The following MAGEC3 variants were observed in gnomAD, a reference collection of about 807,000 sequenced individuals.
MAGEC3 encodes the protein MAGE family member C3.
Under a neutral mutation model 35.3 loss-of-function variants are expected in MAGEC3, and 34 were observed. That is an observed-to-expected ratio of 0.96 (90% CI 0.73 to 1.28). The LOEUF is 1.28. MAGEC3 is among the 50% of genes most tolerant of loss of function. The pLI is 0.00. For missense variants in MAGEC3, 561 were observed against 483.6 expected (o/e 1.16, Z -1.50); for synonymous variants, 202 against 185.6 (o/e 1.09, Z -0.72).
In MAGEC3 at chrX:141,881,460, G is replaced by T. The variant is rs932378773; in HGVS notation, c.573G>T (p.Leu191Phe). 4 of 1,210,342 alleles carry T rather than the reference G, an allele frequency of 3.3e-6. No individual in the cohort carries two copies. The South Asian group carries it at 7.1e-5, about 21-fold the overall frequency. ...CACTGGATGAAAAGGTGGACAAGTT[G>T]GTGCAGTTTCTTCTCCTCAAATATC... Reference protein sequence around the residue: ...TYTLDEKVDKLVQFLLLKYQA... With the variant: ...TYTLDEKVDKFVQFLLLKYQA... The change falls in exon 4 of 8, where the codon TTG (leucine) becomes TTT (phenylalanine). Residue 191 changes from leucine to phenylalanine, a missense_variant. By Grantham distance (22) the Leu-to-Phe change is conservative (BLOSUM62 0). Coordinates refer to ENST00000298296, the MANE Select transcript of MAGEC3 (RefSeq NM_138702.1).
At chrX:141,879,990 C>T (rs909894002) in intron 3 of MAGEC3, among the ~76,000 whole-genome samples, 2 of 111,538 alleles carry the variant, frequency 1.8e-5, no homozygotes. Context: ...CCCAGAGATT[C>T]CCAGCATGCT....
intron 1 of MAGEC3, chrX:141,839,656 A>G: frequency 1.3e-6 from 1 of 745,067 alleles, no homozygotes; most frequent in Admixed American, 8.6e-5. Flanking sequence ...TTTTATAAAT[A>G]TGAATTGTTT....
chrX:141,897,093 G>A lies in MAGEC3; in HGVS notation c.1335G>A (p.Leu445=). 8.3e-7 allele frequency: 1 copy of A among 1,211,804 alleles called. No homozygotes were observed. Among genetic ancestry groups the A allele is most frequent in the Non-Finnish European group, 1.1e-6 (1 of 895,507 alleles). The change falls in exon 7 of 8, where the codon TTG becomes TTA. Residue 445 remains leucine (L), a synonymous_variant. Transcript: ENST00000298296. The stretch of plus-strand genomic sequence containing the variant: ...AGGATACAGCTACTTGGCATGCCTT[G>A]CCAGAAAGTGAATCCTTGCCCAGGT... The part of the protein sequence containing the change: ...EEEDTATWHA[L]PESESLPRYA...
At chrX:141,874,704 C>T (rs1405811204) in intron 2 of MAGEC3, among the ~76,000 whole-genome samples, 1 of 109,341 alleles carries the variant, frequency 9.1e-6, no homozygotes, top group Non-Finnish European at 1.9e-5. Context: ...AAACACTCAA[C>T]AGGAGGCTGA....
At chrX:141,853,082 ATTT>A (rs1389299745) in intron 1 of MAGEC3, among the ~76,000 whole-genome samples, 1 of 111,247 alleles carries the variant, frequency 9.0e-6, no homozygotes, top group Admixed American at 9.6e-5. Flanking sequence ...AAATCTCTTT[ATTT>A]ATTACAGGTC....
intron 2 of MAGEC3, among the ~76,000 whole-genome samples, chrX:141,868,967 C>T (rs891738404): frequency 3.7e-5 from 4 of 109,465 alleles, no homozygotes; most frequent in Admixed American, 2.0e-4. Context: ...CTGCAAGCTC[C>T]GCCTCTCGGG....
chrX:141,844,090 G>A (rs1030170926), intron 1 of MAGEC3, among the ~76,000 whole-genome samples: 56 of 110,500 alleles, frequency 5.1e-4, no homozygotes, highest in African/African-American at 1.5e-3. Context: ...ACACTTTTCC[G>A]TCCGATATCA....
Position 141,897,621 on chromosome X carries a change from T to A in MAGEC3, c.1729-8T>A. 8.3e-7 allele frequency: 1 copy of A among 1,203,424 alleles called. No homozygotes were observed. The highest frequency in any genetic ancestry group is 1.8e-5 in the African/African-American group (1 of 56,970). On this transcript the variant is annotated splice_polypyrimidine_tract_variant and splice_region_variant and intron_variant, in intron 7 of 7. Coordinates refer to ENST00000298296, the MANE Select transcript of MAGEC3 (RefSeq NM_138702.1). ...CTCCACGTTATGAATTTTTGTGGGG[T>A]CCAAGAGCCCATTCAGAGGCCAGCA...
chrX:141,865,654 G>A, intron 2 of MAGEC3, 49 bp downstream of exon 2: 1 of 1,148,937 alleles, frequency 8.7e-7, no homozygotes. Context: ...ACAGATATAG[G>A]GAGTTTTAGC....
chrX:141,876,442 C>T (rs2017920651), intron 2 of MAGEC3, among the ~76,000 whole-genome samples: 1 of 111,686 alleles, frequency 9.0e-6, no homozygotes, highest in African/African-American at 3.3e-5. Flanking sequence ...ATGGCTGAGA[C>T]AAGGGGGCAG....
At chrX:141,896,601 C>A in intron 6 of MAGEC3, 1 of 1,191,645 alleles carries the variant, frequency 8.4e-7, no homozygotes, top group Non-Finnish European at 1.1e-6. Flanking sequence ...GGGATCCCAT[C>A]ATCCCCATCC....
intron 6 of MAGEC3, 122 bp downstream of exon 6, chrX:141,895,681 T>C (rs1244575870): frequency 7.2e-6 from 3 of 417,301 alleles, no homozygotes; most frequent in African/African-American, 3.0e-5. Flanking sequence ...GTAGAGCTCC[T>C]CAGTCAGCTC....
In MAGEC3 at chrX:141,864,105, G is replaced by A. The variant is rs746446547; in HGVS notation, c.124-1366G>A. 2.7e-5 allele frequency among the ~76,000 whole-genome samples: 3 copies of A among 110,506 alleles called. No homozygotes were observed. The South Asian group carries it at 1.2e-3, about 43-fold the overall frequency. On this transcript the variant is annotated intron_variant, in intron 1 of 7. Transcript: ENST00000298296. The stretch of plus-strand genomic sequence containing the variant: ...CCATTGTGTGGATGCACCTCAATTT[G>A]TTAATCCATTCACTTACAGAAAGAC...
intron 6 of MAGEC3, among the ~76,000 whole-genome samples, chrX:141,895,913 C>T (rs191421531): frequency 2.6e-4 from 29 of 111,630 alleles, no homozygotes; most frequent in African/African-American, 8.5e-4. Flanking sequence ...CCGACTGCCC[C>T]CGTGGTAGAG....
intron 1 of MAGEC3, among the ~76,000 whole-genome samples, chrX:141,860,293 T>G (rs11797945): frequency 0.47 from 51,641 of 110,698 alleles, 8,849 homozygotes; most frequent in Non-Finnish European, 0.53. Flanking sequence ...AAAACAAGTA[T>G]AGTTGGCACT....
At chrX:141,864,072 A>G (rs143256479) in intron 1 of MAGEC3, among the ~76,000 whole-genome samples, 2,319 of 111,457 alleles carry the variant, frequency 0.021, 16 homozygotes, top group Middle Eastern at 0.037. Context: ...TTGTTGGTCT[A>G]TAGAATTCCA....
chrX:141,883,036 C>A (rs1351681835), intron 4 of MAGEC3, among the ~76,000 whole-genome samples: 1 of 111,766 alleles, frequency 8.9e-6, no homozygotes, highest in African/African-American at 3.3e-5. Flanking sequence ...TGAGCAGTTC[C>A]TTCTGGGTGG....
At chrX:141,838,888 G>A in intron 1 of MAGEC3, 1 of 744,589 alleles carries the variant, frequency 1.3e-6, no homozygotes, top group Non-Finnish European at 1.6e-6. Context: ...CTGGGCTCCA[G>A]GACAGTGCTC....
intron 1 of MAGEC3, among the ~76,000 whole-genome samples, chrX:141,854,048 C>T (rs771715631): frequency 1.8e-5 from 2 of 111,151 alleles, no homozygotes; most frequent in Non-Finnish European, 3.8e-5. Flanking sequence ...TTGATTTAAT[C>T]ACTCATTAAG....
Sources: gnomAD v4.1 joint callset for allele counts (sites outside exome capture counted in the v4.1 genomes callset) on GRCh38, gnomAD v4.1.1 for gene constraint, MANE v1.5 for transcripts, NCBI Gene and HGNC (gene_info 2026-07-23, HGNC 2026-07-21) for gene names.